TMEM132D: variants seen among roughly 807,000 people sequenced by gnomAD.
TMEM132D encodes the protein transmembrane protein 132D.
Under a neutral mutation model 62.3 loss-of-function variants are expected in TMEM132D, and 21 were observed. The ratio of observed to expected loss-of-function variants is 0.34; its 90% CI spans 0.24 to 0.49. The LOEUF is 0.49. Ranked by LOEUF, TMEM132D falls within the 20% of genes least tolerant of loss-of-function variation. TMEM132D has a pLI of 0.99. For synonymous variants in TMEM132D, 621 were observed against 575.6 expected (o/e 1.08, Z -1.13); for missense variants, 1,346 against 1,402.8 (o/e 0.96, Z 0.65).
intron 2 of TMEM132D, among the ~76,000 whole-genome samples, chr12:129,653,107 C>T (rs955789718): frequency 6.6e-6 from 1 of 152,102 alleles, no homozygotes. Flanking sequence ...CTAGCCCAAC[C>T]GTGTGAAGGG....
At chr12:129,447,754 G>A (rs556907719) in intron 3 of TMEM132D, among the ~76,000 whole-genome samples, 2 of 152,084 alleles carry the variant, frequency 1.3e-5, no homozygotes, top group East Asian at 1.9e-4. Flanking sequence ...ATAAATGCAC[G>A]GTCCTTCCGC....
intron 5 of TMEM132D, among the ~76,000 whole-genome samples, chr12:129,158,005 G>A (rs971247248): frequency 3.3e-5 from 5 of 152,124 alleles, no homozygotes; most frequent in African/African-American, 1.2e-4. Flanking sequence ...ATAAAGTAGG[G>A]CAACATCATG....
chr12:129,503,948 CCAT>C (rs1257954095), intron 3 of TMEM132D, among the ~76,000 whole-genome samples: 1 of 151,710 alleles, frequency 6.6e-6, no homozygotes, highest in Admixed American at 6.6e-5. Flanking sequence ...ATCATCATCA[CCAT>C]CATCACTATT....
At chr12:129,249,367 G>C (rs983681305) in intron 4 of TMEM132D, among the ~76,000 whole-genome samples, 11 of 152,150 alleles carry the variant, frequency 7.2e-5, no homozygotes, top group Admixed American at 5.2e-4. Context: ...ATGATTTTTA[G>C]CACATACTAT....
At chr12:129,297,895 C>T (rs1483494496) in intron 4 of TMEM132D, among the ~76,000 whole-genome samples, 2 of 152,146 alleles carry the variant, frequency 1.3e-5, no homozygotes, top group African/African-American at 4.8e-5. Context: ...CATGGTCAGA[C>T]ACCAAGCCAG....
intron 2 of TMEM132D, among the ~76,000 whole-genome samples, chr12:129,628,367 G>T (rs115636348): frequency 0.01 from 1,566 of 152,310 alleles, 20 homozygotes; most frequent in African/African-American, 0.035. Flanking sequence ...GTCACAGGAG[G>T]CAGGAGGGAT....
At chr12:129,245,657 T>C (rs1335826973) in intron 4 of TMEM132D, among the ~76,000 whole-genome samples, 1 of 152,074 alleles carries the variant, frequency 6.6e-6, no homozygotes, top group Non-Finnish European at 1.5e-5. Flanking sequence ...TGGGTTGTGA[T>C]GTGTTTGTAA....
At chr12:129,592,499 T>C (rs540059848) in intron 2 of TMEM132D, among the ~76,000 whole-genome samples, 55 of 152,346 alleles carry the variant, frequency 3.6e-4, no homozygotes, top group Non-Finnish European at 5.1e-4. Flanking sequence ...GAGACAGATA[T>C]GTGTACACAC....
At chr12:129,597,595 G>A (rs1159840962) in intron 2 of TMEM132D, among the ~76,000 whole-genome samples, 1 of 152,078 alleles carries the variant, frequency 6.6e-6, no homozygotes, top group Non-Finnish European at 1.5e-5. Context: ...TGTTCCCTCA[G>A]GCAGTCCAAG....
chr12:129,251,138 G>T (rs1313120368), intron 4 of TMEM132D, among the ~76,000 whole-genome samples: 1 of 151,892 alleles, frequency 6.6e-6, no homozygotes, highest in Non-Finnish European at 1.5e-5. Context: ...TGGGTGGGTT[G>T]CCTGAGCTCA....
chr12:129,265,738 C>T (rs1000598435), intron 4 of TMEM132D, among the ~76,000 whole-genome samples: 2 of 151,970 alleles, frequency 1.3e-5, no homozygotes, highest in Non-Finnish European at 2.9e-5. Context: ...TGCTCTTTCC[C>T]CAGAAATCCA....
intron 5 of TMEM132D, among the ~76,000 whole-genome samples, chr12:129,144,335 C>G (rs1214262063): frequency 2.6e-5 from 4 of 152,154 alleles, no homozygotes; most frequent in Non-Finnish European, 4.4e-5. Context: ...TATGTTAACT[C>G]TGGGTGTAAT....
chr12:129,200,022 G>A (rs937270128), intron 5 of TMEM132D, among the ~76,000 whole-genome samples: 1 of 152,100 alleles, frequency 6.6e-6, no homozygotes. Flanking sequence ...ATAGAATGCC[G>A]TGATTAAAAA....
chr12:129,130,525 G>A (rs567202125), intron 5 of TMEM132D, among the ~76,000 whole-genome samples: 15 of 152,232 alleles, frequency 9.9e-5, no homozygotes, highest in Admixed American at 3.3e-4. Flanking sequence ...CACCTGCCAC[G>A]TTCTAGAACG....
At chr12:129,775,715 G>C (rs1397573003) in intron 1 of TMEM132D, among the ~76,000 whole-genome samples, 1 of 152,138 alleles carries the variant, frequency 6.6e-6, no homozygotes, top group African/African-American at 2.4e-5. Context: ...AAAGGGTTCT[G>C]ACTTTATTCC....
At chr12:129,107,467 G>A (rs114957338) in intron 5 of TMEM132D, among the ~76,000 whole-genome samples, 2 of 152,214 alleles carry the variant, frequency 1.3e-5, no homozygotes, top group African/African-American at 2.4e-5. Flanking sequence ...CACAGTCATT[G>A]TAAATGATGC....
intron 1 of TMEM132D, among the ~76,000 whole-genome samples, chr12:129,898,260 C>G (rs1875214875): frequency 6.6e-6 from 1 of 152,136 alleles, no homozygotes; most frequent in Non-Finnish European, 1.5e-5. Context: ...CTTGGAAGCA[C>G]AGTTAAAAAT....
At chr12:129,621,337 G>C (rs1156455635) in intron 2 of TMEM132D, among the ~76,000 whole-genome samples, 1 of 151,982 alleles carries the variant, frequency 6.6e-6, no homozygotes, top group African/African-American at 2.4e-5. Context: ...CATCACCCTG[G>C]CCCTCTCATG....
At chr12:129,895,951 TTCTCTGTC>T (rs1348427529) in intron 1 of TMEM132D, among the ~76,000 whole-genome samples, 5 of 97,538 alleles carry the variant, frequency 5.1e-5, no homozygotes, top group East Asian at 8.0e-4. Flanking sequence ...GGAATTTGAT[TTCTCTGTC>T]TCTCTTTTTT....
Sources: allele counts gnomAD v4.1 joint callset (sites outside exome capture counted in the v4.1 genomes callset), GRCh38; gene constraint gnomAD v4.1.1; transcripts MANE v1.5; gene names NCBI Gene and HGNC (gene_info 2026-07-23, HGNC 2026-07-21).